Variants in PSG6 observed in about 807,000 individuals in gnomAD.
PSG6 encodes the protein pregnancy-specific beta-1-glycoprotein 6.
PSG6 carries 51 observed loss-of-function variants against 43.3 expected under a neutral mutation model. That is an observed-to-expected ratio of 1.18 (90% CI 0.94 to 1.49). PSG6 has a LOEUF of 1.49. Among genes scored for constraint, PSG6 ranks in the 40% most tolerant of loss-of-function variants. The pLI, the probability that PSG6 is intolerant of heterozygous loss-of-function variation, is 0.00. For missense variants in PSG6, 770 were observed against 522.2 expected, an observed-to-expected ratio of 1.47 and a Z score of -4.62; for synonymous variants, 292 against 197.6, an observed-to-expected ratio of 1.48 and a Z score of -4.01.
chr19:42,915,709 G>A (rs1221655240), intron 2 of PSG6: 2 of 257,278 alleles, frequency 7.8e-6, no homozygotes, highest in Admixed American at 4.8e-5. Flanking sequence ...TTTACCTGGA[G>A]CAAGGATTTA....
At position 42,906,802 on chromosome 19, in the gene PSG6, G is replaced by T. The variant is rs1336730174; in HGVS notation, c.1240+120C>A. On this transcript the variant is annotated intron_variant, in intron 5 of 5. Transcript: ENST00000187910. The stretch of plus-strand genomic sequence containing the variant: ...TTGGGAGGGTTCAGGAGGAGAATTT[G>T]GGATTTGCTTGTGCCCATGGGACAC... The T allele has an allele frequency of 2.9e-5, 47 of 1,601,104 alleles. 1 individual carries two copies. In the Middle Eastern group the frequency reaches 1.3e-3, roughly 45 times the overall value.
intron 3 of PSG6, 115 bp downstream of exon 3, chr19:42,910,465 A>C: frequency 6.2e-7 from 1 of 1,610,078 alleles, no homozygotes; most frequent in Non-Finnish European, 8.5e-7. Flanking sequence ...GCCAGCTTTG[A>C]TGTTCAGGGA....
chr19:42,913,101 T>A (rs188639261), intron 2 of PSG6, among the ~76,000 whole-genome samples: 1 of 151,788 alleles, frequency 6.6e-6, no homozygotes, highest in Non-Finnish European at 1.5e-5. Context: ...TAGGGATTCT[T>A]TCCTCAGCTC....
intron 5 of PSG6, chr19:42,903,820 G>A (rs950206295): frequency 1.4e-6 from 2 of 1,401,328 alleles, no homozygotes; most frequent in African/African-American, 1.5e-5. Flanking sequence ...TTGAGCCCAG[G>A]AGGTTGAGGC....
chr19:42,902,354 T>C lies in PSG6; in HGVS notation c.*58A>G. On this transcript the variant is annotated 3_prime_UTR_variant, in exon 6 of 6. Coordinates refer to ENST00000187910, the MANE Select transcript of PSG6 (RefSeq NM_001031850.4). ...CATTGAGTTTTTTTCTTCTTTGTCTTGAATTTCATGAAGGTATCAACCTGT... is the reference window on the plus strand; with the variant it reads ...CATTGAGTTTTTTTCTTCTTTGTCTCGAATTTCATGAAGGTATCAACCTGT... The C allele has an allele frequency of 1.3e-6, 2 of 1,585,130 alleles. No homozygotes were observed. Among genetic ancestry groups the C allele is most frequent in the Non-Finnish European group, 8.6e-7 (1 of 1,161,904 alleles).
At chr19:42,909,107 C>G (rs1250700200) in intron 3 of PSG6, among the ~76,000 whole-genome samples, 3 of 151,736 alleles carry the variant, frequency 2.0e-5, no homozygotes, top group African/African-American at 7.3e-5. Flanking sequence ...CATCCCAAAT[C>G]TGAAAGATTC....
At position 42,902,186 on chromosome 19, in the gene PSG6, A is replaced by C. The variant is rs1223087866; in HGVS notation, c.*226T>G. The C allele has an allele frequency of 7.5e-6, 4 of 533,302 alleles. No homozygotes were observed. Among genetic ancestry groups the C allele is most frequent in the East Asian group, 3.5e-5 (1 of 28,692 alleles). The allele number at this position is 533,302 out of a possible 1,614,324, so 33.0% of individuals were successfully genotyped here. On this transcript the variant is annotated 3_prime_UTR_variant, in exon 6 of 6. Coordinates refer to ENST00000187910, the MANE Select transcript of PSG6 (RefSeq NM_001031850.4). ...GATAGAGAGCAAAAGCAAATGTTTC[A>C]ATTTTTGTTTACAAAAGTATACTTT...
chr19:42,916,441 T>G lies in PSG6; in HGVS notation c.111A>C (p.Ile37=). The change falls in exon 2 of 6, where the codon ATA becomes ATC. Residue 37 remains isoleucine (I), a synonymous_variant. Transcript: ENST00000187910. The part of the protein sequence containing the change: ...FWNLPTTAQV[I]IEAKPPKVSE... ...AAACTTTGGGTGGCTTGGCTTCAAT[T>G]ATTACTTGGGCAGTGGTGGGCAGGT... is the stretch of plus-strand genomic sequence containing the variant. The G allele has an allele frequency of 6.2e-7, 1 of 1,611,912 alleles. No homozygotes were observed. The highest frequency in any genetic ancestry group is 8.5e-7 in the Non-Finnish European group (1 of 1,179,030).
At position 42,906,535 on chromosome 19, in the gene PSG6, A is replaced by G. The variant is rs1471336529; in HGVS notation, c.1240+387T>C. The G allele has an allele frequency of 1.2e-5, 15 of 1,280,068 alleles. No homozygotes were observed. The Admixed American group carries it at 1.8e-4, about 15-fold the overall frequency. The allele number at this position is 1,280,068 out of a possible 1,614,324, so 79.3% of individuals were successfully genotyped here. A position where few individuals can be genotyped will look rare whatever the true frequency, so the allele number is the denominator to read the frequency against. ...AAGTGTGAGCTTGTTTCAAAGCCTCAGATGTTCCTTGTAGCTCATGGAATA... is the reference window on the plus strand; with the variant it reads ...AAGTGTGAGCTTGTTTCAAAGCCTCGGATGTTCCTTGTAGCTCATGGAATA... On this transcript the variant is annotated intron_variant, in intron 5 of 5. Coordinates refer to ENST00000187910, the MANE Select transcript of PSG6 (RefSeq NM_001031850.4).
Position 42,904,754 on chromosome 19 carries a change from T to G in PSG6, c.1240+2168A>C, listed in dbSNP as rs1731014001. Among the ~76,000 whole-genome samples, 3 of 151,604 alleles carry G rather than the reference T, an allele frequency of 2.0e-5. No individual in the cohort carries two copies. In the Admixed American group the frequency reaches 2.0e-4, roughly 10 times the overall value. On this transcript the variant is annotated intron_variant, in intron 5 of 5. Coordinates refer to ENST00000187910, the MANE Select transcript of PSG6 (RefSeq NM_001031850.4). Reference sequence around the variant, plus strand: ...AGATTCAATACAATTCCTATCAGAATCTCAGTGACATTTTTGCAGAAAAAG... The same window carrying G: ...AGATTCAATACAATTCCTATCAGAAGCTCAGTGACATTTTTGCAGAAAAAG...
chr19:42,911,323 A>C (rs1972221289), intron 2 of PSG6, among the ~76,000 whole-genome samples: 1 of 151,738 alleles, frequency 6.6e-6, no homozygotes, highest in East Asian at 1.9e-4. Context: ...CATTGTCCTT[A>C]AGCCCTTTGG....
intron 5 of PSG6, among the ~76,000 whole-genome samples, chr19:42,904,095 T>A (rs1170141324): frequency 6.6e-6 from 1 of 151,654 alleles, no homozygotes. Context: ...TAAAAGCATT[T>A]GATGAAATTC....
At position 42,907,668 on chromosome 19, in the gene PSG6, C is replaced by T. The variant is rs1439298797; in HGVS notation, c.893G>A (p.Ser298Asn). The T allele has an allele frequency of 1.9e-6, 3 of 1,611,174 alleles. No homozygotes were observed. Among genetic ancestry groups the T allele is most frequent in the East Asian group, 2.2e-5 (1 of 44,802 alleles). ...GGGTCCTGTTTCATTTCTCGTGACA[C>T]TGGGTAGAATGAGTATCCTGTTTTC... is the stretch of plus-strand genomic sequence containing the variant. ...PIENRILILP[S>N]VTRNETGPYQ... The change falls in exon 4 of 6, where the codon AGT becomes AAT. Residue 298 changes from serine to asparagine, a missense_variant. Physicochemically the swap from Ser to Asn is conservative, Grantham distance 46. Coordinates refer to ENST00000187910, the MANE Select transcript of PSG6 (RefSeq NM_001031850.4).
At chr19:42,902,487 C>T (rs747152848) in intron 5 of PSG6, 41 bp from the exon 6 acceptor site, 1 of 1,605,710 alleles carries the variant, frequency 6.2e-7, no homozygotes, top group South Asian at 1.1e-5. Context: ...TTCAAATTCA[C>T]TACCTCCTTT....
In PSG6 at chr19:42,916,438, A is replaced by G. The variant is rs773631574; in HGVS notation, c.114T>C (p.Ile38=). 1 of 1,611,972 alleles carries G rather than the reference A, an allele frequency of 6.2e-7. No homozygotes were observed. Among genetic ancestry groups the G allele is most frequent in the Middle Eastern group, 1.7e-4 (1 of 6,060 alleles). Residue 38 remains isoleucine, a synonymous_variant, in exon 2 of 6, where the codon ATT becomes ATC. Transcript: ENST00000187910. ...CGGAAACTTTGGGTGGCTTGGCTTC[A>G]ATTATTACTTGGGCAGTGGTGGGCA... is the stretch of plus-strand genomic sequence containing the variant. ...WNLPTTAQVI[I]EAKPPKVSEG... is the part of the protein sequence containing the mutation.
intron 5 of PSG6, among the ~76,000 whole-genome samples, chr19:42,904,653 A>G (rs1972084765): frequency 6.6e-6 from 1 of 151,762 alleles, no homozygotes; most frequent in Non-Finnish European, 1.5e-5. Context: ...ACATCAATAA[A>G]TTGAAAGACA....
chr19:42,910,833 G>T lies in PSG6; in HGVS notation c.453C>A (p.Ser151=). Residue 151 remains serine (S), a synonymous_variant, in exon 3 of 6, where the codon TCC becomes TCA. Transcript: ENST00000187910. ...LYSETPKPSI[S]SSNLNPREVM... The stretch of plus-strand genomic sequence containing the variant: ...CCTCCCTGGGGTTTAAGTTGCTGCT[G>T]GAGATGGAGGGCTTGGGAGTCTCCG... 6.2e-7 allele frequency: 1 copy of T among 1,611,394 alleles called. No homozygotes were observed. Among genetic ancestry groups the T allele is most frequent in the East Asian group, 2.2e-5 (1 of 44,780 alleles).
At chr19:42,911,280 A>G (rs184251203) in intron 2 of PSG6, among the ~76,000 whole-genome samples, 1 of 151,554 alleles carries the variant, frequency 6.6e-6, no homozygotes, top group Non-Finnish European at 1.5e-5. Context: ...TTCCCTTGCC[A>G]AGGACATCCT....
intron 2 of PSG6, among the ~76,000 whole-genome samples, chr19:42,911,269 C>A (rs976963539): frequency 2.7e-5 from 4 of 150,490 alleles, no homozygotes; most frequent in African/African-American, 9.9e-5. Context: ...TTCTCATCAG[C>A]TTCCCTTGCC....
Sources: gnomAD v4.1 joint callset for allele counts (sites outside exome capture counted in the v4.1 genomes callset) on GRCh38, gnomAD v4.1.1 for gene constraint, MANE v1.5 for transcripts, NCBI Gene and HGNC (gene_info 2026-07-23, HGNC 2026-07-21) for gene names.